The following CXCL13 variants were observed in gnomAD, a reference collection of about 807,000 sequenced individuals.
CXCL13 encodes C-X-C motif chemokine 13.
CXCL13 carries 7 observed loss-of-function variants against 12.2 expected under a neutral mutation model. The observed-to-expected ratio is 0.57, with a 90% CI of 0.33 to 1.07. The LOEUF is 1.07. Among genes scored for constraint, CXCL13 ranks in the 50% least tolerant of loss-of-function variants. The pLI is 0.04. For synonymous variants in CXCL13, 47 were observed against 42.4 expected, an observed-to-expected ratio of 1.11 and a Z score of -0.42; for missense variants, 113 against 127.4, an observed-to-expected ratio of 0.89 and a Z score of 0.55.
chr4:77,525,501 G>A (rs1435290553), intron 1 of CXCL13, among the ~76,000 whole-genome samples: 1 of 152,120 alleles, frequency 6.6e-6, no homozygotes, highest in Non-Finnish European at 1.5e-5. Context: ...TTGTGTGGGT[G>A]GAAGTGTTGT....
At chr4:77,598,877 G>A (rs1035959905) in intron 1 of CXCL13, among the ~76,000 whole-genome samples, 3 of 151,518 alleles carry the variant, frequency 2.0e-5, no homozygotes, top group South Asian at 2.1e-4. Context: ...GCATGATCTC[G>A]GCTCCCTGCA....
chr4:77,525,964 C>T (rs1294930496), intron 1 of CXCL13, among the ~76,000 whole-genome samples: 2 of 147,616 alleles, frequency 1.4e-5, no homozygotes, highest in East Asian at 2.0e-4. Context: ...ATCTTAAATG[C>T]TACTACTGCA....
At chr4:77,569,449 C>G (rs1445002434) in intron 1 of CXCL13, among the ~76,000 whole-genome samples, 4 of 152,200 alleles carry the variant, frequency 2.6e-5, no homozygotes, top group African/African-American at 9.7e-5. Context: ...GCAAAAATCA[C>G]TAGCATTCCT....
At chr4:77,566,260 T>G (rs569381025) in intron 1 of CXCL13, among the ~76,000 whole-genome samples, 107 of 152,326 alleles carry the variant, frequency 7.0e-4, no homozygotes, top group African/African-American at 2.5e-3. Flanking sequence ...CATTTAAAAT[T>G]TTCTAAAACA....
In CXCL13 at chr4:77,570,963, T is replaced by C. The variant is rs561401600; in HGVS notation, c.-42-34861T>C. Reference sequence around the variant, plus strand: ...GCCTTCCTCTGCCTCCGTGGGTTCCTGTGCAGCCCGAGACTCCCTGACGAA... The same window carrying C: ...GCCTTCCTCTGCCTCCGTGGGTTCCCGTGCAGCCCGAGACTCCCTGACGAA... On this transcript the variant is annotated intron_variant, in intron 1 of 4. Coordinates refer to the CXCL13 transcript ENST00000286758. 3.8e-3 allele frequency among the ~76,000 whole-genome samples: 579 copies of C among 152,120 alleles called. 3 individuals carry two copies. The highest frequency in any genetic ancestry group is 5.9e-3 in the Non-Finnish European group (402 of 68,010).
intron 1 of CXCL13, among the ~76,000 whole-genome samples, chr4:77,573,711 T>C (rs1726146150): frequency 6.6e-6 from 1 of 151,998 alleles, no homozygotes; most frequent in African/African-American, 2.4e-5. Context: ...CTTCATGCTA[T>C]AGCTCAGTAG....
At chr4:77,516,738 G>A (rs992422557) in intron 1 of CXCL13, among the ~76,000 whole-genome samples, 17 of 151,746 alleles carry the variant, frequency 1.1e-4, no homozygotes, top group East Asian at 5.8e-4. Context: ...TATCAATTTT[G>A]TTGATCCATT....
At chr4:77,567,150 C>T (rs1032915425) in intron 1 of CXCL13, among the ~76,000 whole-genome samples, 2 of 152,136 alleles carry the variant, frequency 1.3e-5, no homozygotes, top group Non-Finnish European at 2.9e-5. Context: ...GTAATATCCT[C>T]CCCACCCTTG....
intron 1 of CXCL13, among the ~76,000 whole-genome samples, chr4:77,531,162 T>A (rs1390571611): frequency 6.6e-6 from 1 of 150,646 alleles, no homozygotes; most frequent in Non-Finnish European, 1.5e-5. Flanking sequence ...TTAGGGTACA[T>A]GTGCACAACG....
At chr4:77,551,048 G>A (rs190260011) in intron 1 of CXCL13, among the ~76,000 whole-genome samples, 39 of 152,300 alleles carry the variant, frequency 2.6e-4, no homozygotes, top group Admixed American at 2.0e-3. Flanking sequence ...CTTGAAGACA[G>A]CAGACACTTG....
At chr4:77,544,034 A>G (rs756598769) in intron 1 of CXCL13, among the ~76,000 whole-genome samples, 2 of 152,222 alleles carry the variant, frequency 1.3e-5, no homozygotes, top group East Asian at 1.9e-4. Context: ...TGCGAGAATG[A>G]TGGTTTCCAG....
In CXCL13 at chr4:77,559,543, G is replaced by A. The variant is rs113845114; in HGVS notation, c.-42-46281G>A. On this transcript the variant is annotated intron_variant, in intron 1 of 4. Coordinates refer to the CXCL13 transcript ENST00000286758. ...AGAGTTTGAACACATTACAGCTATC[G>A]CACAGCAACCATCCACCTCTTTCTT... is the stretch of plus-strand genomic sequence containing the variant. Among the ~76,000 whole-genome samples the A allele has an allele frequency of 6.4e-4, 97 of 152,136 alleles. No homozygotes were observed. The Middle Eastern group carries it at 0.027, about 43-fold the overall frequency.
chr4:77,602,148 T>C (rs553752549), upstream of CXCL13, among the ~76,000 whole-genome samples: 127 of 152,380 alleles, frequency 8.3e-4, no homozygotes, highest in Non-Finnish European at 1.7e-3. Context: ...CTCTGTTTAA[T>C]ACCTGTTGAC....
chr4:77,545,228 G>A (rs569570269), intron 1 of CXCL13, among the ~76,000 whole-genome samples: 140 of 152,204 alleles, frequency 9.2e-4, no homozygotes, highest in African/African-American at 2.2e-3. Context: ...TTGGCAATGC[G>A]GGCTCTTTTT....
intron 1 of CXCL13, among the ~76,000 whole-genome samples, chr4:77,598,508 T>G (rs1239866255): frequency 6.6e-6 from 1 of 152,186 alleles, no homozygotes; most frequent in African/African-American, 2.4e-5. Flanking sequence ...CTATGTTAGC[T>G]GGAAGAGAGA....
At chr4:77,513,611 C>A (rs1724327033) in intron 1 of CXCL13, among the ~76,000 whole-genome samples, 1 of 152,076 alleles carries the variant, frequency 6.6e-6, no homozygotes, top group South Asian at 2.1e-4. Context: ...ACCACCAGGC[C>A]AAGCTAATTT....
intron 1 of CXCL13, among the ~76,000 whole-genome samples, chr4:77,562,200 C>T (rs1169629179): frequency 2.7e-5 from 4 of 147,388 alleles, no homozygotes; most frequent in Admixed American, 2.7e-4. Context: ...AGCCCCCCGC[C>T]CCGCCTACAG....
intron 1 of CXCL13, among the ~76,000 whole-genome samples, chr4:77,596,989 T>C (rs1177781863): frequency 1.3e-5 from 2 of 152,116 alleles, no homozygotes; most frequent in Non-Finnish European, 1.5e-5. Context: ...TTTAAAAAGA[T>C]GAAAATGCTG....
intron 1 of CXCL13, among the ~76,000 whole-genome samples, chr4:77,513,987 G>C (rs917761599): frequency 1.4e-4 from 22 of 152,118 alleles, no homozygotes; most frequent in Admixed American, 1.2e-3. Flanking sequence ...CCCAGAGTGT[G>C]ATGTTCCCCT....
Sources: allele counts gnomAD v4.1 joint callset (sites outside exome capture counted in the v4.1 genomes callset), GRCh38; gene constraint gnomAD v4.1.1; transcripts MANE v1.5; gene names NCBI Gene and HGNC (gene_info 2026-07-23, HGNC 2026-07-21).